FBXO25: variants seen among roughly 807,000 people sequenced by gnomAD.
FBXO25 encodes the protein F-box protein 25, also known as F-box only protein 25.
Under a neutral mutation model 51.9 loss-of-function variants are expected in FBXO25, and 45 were observed. That is an observed-to-expected ratio of 0.87 (90% CI 0.68 to 1.11). The LOEUF (loss-of-function observed/expected upper bound fraction) is 1.11. FBXO25 is among the 50% of genes most tolerant of loss of function. The pLI, the probability that FBXO25 is intolerant of heterozygous loss-of-function variation, is 0.00. For synonymous variants in FBXO25, 199 were observed against 151.0 expected (o/e 1.32, Z -2.33); for missense variants, 507 against 428.5 (o/e 1.18, Z -1.62).
At chr8:459,317 A>C (rs1395967351) in intron 8 of FBXO25, among the ~76,000 whole-genome samples, 1 of 152,196 alleles carries the variant, frequency 6.6e-6, no homozygotes, top group Non-Finnish European at 1.5e-5. Flanking sequence ...CATGAGGAGC[A>C]TAGCCTACCC....
chr8:460,192 C>G (rs1051510332), intron 8 of FBXO25, among the ~76,000 whole-genome samples: 1 of 152,090 alleles, frequency 6.6e-6, no homozygotes, highest in Non-Finnish European at 1.5e-5. Flanking sequence ...AATGAGAGTG[C>G]CTGGCAGGTG....
chr8:452,597 G>T (rs1799166548), intron 7 of FBXO25, among the ~76,000 whole-genome samples: 1 of 152,224 alleles, frequency 6.6e-6, no homozygotes, highest in African/African-American at 2.4e-5. Context: ...AGAGAATAGG[G>T]TGTGTCCTTG....
chr8:421,515 A>T (rs1383714032), intron 2 of FBXO25, among the ~76,000 whole-genome samples: 1 of 152,222 alleles, frequency 6.6e-6, no homozygotes, highest in African/African-American at 2.4e-5. Context: ...TATTCTAGGA[A>T]GAAGTTACAA....
At chr8:409,622 G>C (rs1405138638) in intron 1 of FBXO25, among the ~76,000 whole-genome samples, 1 of 152,104 alleles carries the variant, frequency 6.6e-6, no homozygotes, top group East Asian at 1.9e-4. Context: ...GTCTAAATAG[G>C]TAAGTACAAT....
rs756201153 is a variant in FBXO25 at position 458,392 on chromosome 8, C to T, written c.684C>T (p.Leu228=). ...AGCAAGTGAACAATGGCCTCACCCT[C>T]AGTGACCTTCCTCTGCACATGCTGA... The part of the protein sequence containing the change: ...MTKQVNNGLT[L]SDLPLHMLNN... Residue 228 remains leucine, a synonymous_variant, in exon 8 of 10, where the codon CTC becomes CTT. Coordinates refer to ENST00000350302, the MANE Select transcript of FBXO25 (RefSeq NM_183420.2). The T allele has an allele frequency of 6.2e-7, 1 of 1,613,938 alleles. No individual in the cohort carries two copies. The highest frequency in any genetic ancestry group is 1.3e-5 in the African/African-American group (1 of 75,060).
chr8:456,715 C>T (rs1041759000), intron 7 of FBXO25, among the ~76,000 whole-genome samples: 3 of 152,196 alleles, frequency 2.0e-5, no homozygotes, highest in East Asian at 1.9e-4. Context: ...AGGCCCCACT[C>T]GTGTCTGGCA....
At chr8:412,943 C>G (rs1418695898) in intron 1 of FBXO25, 130 bp from the exon 2 acceptor site, 5 of 889,738 alleles carry the variant, frequency 5.6e-6, no homozygotes, top group Non-Finnish European at 7.9e-6. Flanking sequence ...CAATGTCGAG[C>G]CAACGTTTAA....
At chr8:467,866 T>G in intron 9 of FBXO25, 22 of 1,585,602 alleles carry the variant, frequency 1.4e-5, no homozygotes, top group Non-Finnish European at 1.8e-5. Context: ...TGACTTGAGC[T>G]TTCTCAGGAC....
rs567260562 is a variant in FBXO25, at chr8:418,408, C to T, written c.134+5195C>T. Reference sequence around the variant, plus strand: ...AGGCTGGAGTGCAGTGGCATGATCTCGGCTCACTGCAACCTGTGCCTCCTG... The same window carrying T: ...AGGCTGGAGTGCAGTGGCATGATCTTGGCTCACTGCAACCTGTGCCTCCTG... On this transcript the variant is annotated intron_variant, in intron 2 of 9. Coordinates refer to ENST00000350302, the MANE Select transcript of FBXO25 (RefSeq NM_183420.2). Among the ~76,000 whole-genome samples the T allele has an allele frequency of 4.6e-4, 58 of 125,780 alleles. 1 individual carries two copies. The East Asian group carries it at 9.1e-3, about 20-fold the overall frequency. 82.5% of individuals were successfully genotyped at this position (125,780 alleles called of 152,430 possible).
chr8:445,310 C>CAAA (rs1343116272), intron 5 of FBXO25, among the ~76,000 whole-genome samples: 2 of 152,036 alleles, frequency 1.3e-5, no homozygotes, highest in Non-Finnish European at 2.9e-5. Context: ...ATGTAGAAAA[C>CAAA]TTATTTCGAT....
intron 9 of FBXO25, chr8:468,248 C>T (rs1454719010): frequency 2.0e-6 from 2 of 1,013,964 alleles, no homozygotes; most frequent in African/African-American, 3.4e-5. Context: ...GTGTCCCCCT[C>T]TCCTGTCCTA....
At chr8:424,325 C>T (rs1456676273) in intron 2 of FBXO25, among the ~76,000 whole-genome samples, 1 of 152,122 alleles carries the variant, frequency 6.6e-6, no homozygotes, top group East Asian at 1.9e-4. Flanking sequence ...TCTATATTCT[C>T]TGTCAATAGT....
In FBXO25 at chr8:470,478, C is replaced by G. The variant is rs1474918720; in HGVS notation, c.*1674C>G. The G allele has an allele frequency of 8.2e-6, 1 of 122,030 alleles. No homozygotes were observed. The highest frequency in any genetic ancestry group is 1.9e-5 in the Non-Finnish European group (1 of 53,166). The allele number at this position is 122,030 out of a possible 1,614,324, so 7.6% of individuals were successfully genotyped here. A position where few individuals can be genotyped will look rare whatever the true frequency, so the allele number is the denominator to read the frequency against. On this transcript the variant is annotated 3_prime_UTR_variant, in exon 10 of 10. Coordinates refer to ENST00000350302, the MANE Select transcript of FBXO25 (RefSeq NM_183420.2). ...TCAAGTGATCCTCCCACCTCACCCT[C>G]CAGTGATCCTCCCACCTCAGCCTCC... is the stretch of plus-strand genomic sequence containing the variant.
intron 2 of FBXO25, among the ~76,000 whole-genome samples, chr8:424,794 G>A (rs1797373346): frequency 6.6e-6 from 1 of 152,146 alleles, no homozygotes. Flanking sequence ...GTTGAGTAGT[G>A]TGATGCCTCT....
chr8:435,607 T>G lies in FBXO25; in HGVS notation c.289-8T>G, dbSNP rs1798058586. 5 of 1,603,970 alleles carry G rather than the reference T, an allele frequency of 3.1e-6. No individual in the cohort carries two copies. The highest frequency in any genetic ancestry group is 3.4e-6 in the Non-Finnish European group (4 of 1,178,480). On this transcript the variant is annotated splice_region_variant and splice_polypyrimidine_tract_variant and intron_variant, in intron 4 of 9. Coordinates refer to ENST00000350302, the MANE Select transcript of FBXO25 (RefSeq NM_183420.2). The stretch of plus-strand genomic sequence containing the variant: ...TGACTAATTTTAACTTCTGTGTTGC[T>G]TTTCCAGAGGCATGGCTATTGCACC...
In FBXO25 at chr8:472,079, C is replaced by T. The variant is rs576362212; in HGVS notation, c.*3275C>T. On this transcript the variant is annotated 3_prime_UTR_variant, in exon 10 of 10. Coordinates refer to ENST00000350302, the MANE Select transcript of FBXO25 (RefSeq NM_183420.2). The stretch of plus-strand genomic sequence containing the variant: ...TCCTTTATTCTTTCTTACCCCGTTT[C>T]GCTGGCTAGAATCTCTAGTACAATG... The T allele has an allele frequency of 1.1e-4, 16 of 152,300 alleles. No individual in the cohort carries two copies. The highest frequency in any genetic ancestry group is 2.4e-4 in the African/African-American group (10 of 41,556). The allele number at this position is 152,300 out of a possible 1,614,324, so 9.4% of individuals were successfully genotyped here.
intron 3 of FBXO25, among the ~76,000 whole-genome samples, chr8:432,611 A>G (rs1158732848): frequency 1.3e-5 from 2 of 152,216 alleles, no homozygotes; most frequent in East Asian, 1.9e-4. Flanking sequence ...ATTGCATTTT[A>G]TAATCATTTA....
rs756909108 is a variant in FBXO25, at chr8:451,283, C to G, written c.490C>G (p.His164Asp). Residue 164 changes from histidine (H) to aspartate (D), a missense_variant, in exon 7 of 10, where the codon CAC (histidine) becomes GAC (aspartate). His to Asp is a moderately conservative substitution (Grantham distance 81). Transcript: ENST00000350302. ...KIVQKVLDDH[H>D]NPRLIKDLLQ... ...ATTTATTCCAGTTCTTGATGACCAC[C>G]ACAATCCTCGCTTAATCAAAGATCT... 7.5e-6 allele frequency: 12 copies of G among 1,605,636 alleles called. No homozygotes were observed. The African/African-American group carries it at 1.6e-4, about 22-fold the overall frequency.
chr8:415,489 T>C (rs1256127037), intron 2 of FBXO25, among the ~76,000 whole-genome samples: 1 of 152,156 alleles, frequency 6.6e-6, no homozygotes, highest in East Asian at 1.9e-4. Context: ...AGCCTTTTAT[T>C]AGGCTGTTGA....
Sources: allele counts gnomAD v4.1 joint callset (sites outside exome capture counted in the v4.1 genomes callset), GRCh38; gene constraint gnomAD v4.1.1; transcripts MANE v1.5; gene names NCBI Gene and HGNC (gene_info 2026-07-23, HGNC 2026-07-21).